The following SLC2A7 variants were observed in gnomAD, a reference collection of about 807,000 sequenced individuals.
The protein encoded by SLC2A7 is solute carrier family 2 member 7, also known as solute carrier family 2, facilitated glucose transporter member 7.
Under a neutral mutation model 50.5 loss-of-function variants are expected in SLC2A7, and 50 were observed. The observed-to-expected ratio is 0.99, with a 90% CI of 0.79 to 1.25. SLC2A7 has a LOEUF of 1.25. SLC2A7 is among the 50% of genes most tolerant of loss of function. The pLI, the probability that SLC2A7 is intolerant of heterozygous loss-of-function variation, is 0.00. For synonymous variants in SLC2A7, 308 were observed against 300.4 expected (o/e 1.03, Z -0.26); for missense variants, 683 against 679.1 (o/e 1.01, Z -0.06).
Position 9,015,184 on chromosome 1 carries a change from C to G in SLC2A7, c.648G>C (p.Leu216=), listed in dbSNP as rs150836755. The G allele has an allele frequency of 1.2e-6, 2 of 1,611,708 alleles. No individual in the cohort carries two copies. The highest frequency in any genetic ancestry group is 2.7e-5 in the African/African-American group (2 of 74,882). The change falls in exon 6 of 12, where the codon CTG becomes CTC. Residue 216 remains leucine (L), a synonymous_variant. Transcript: ENST00000400906. ...AGCGGGGGCTTTCGGGGAAGAAGGG[C>G]AGGGTCAGCAGCTGCAGCAGGGCGG... ...GVPALLQLLT[L]PFFPESPRYS...
At chr1:8,999,173 G>A (rs1376337609), downstream of SLC2A7, among the ~76,000 whole-genome samples, 1 of 151,578 alleles carries the variant, frequency 6.6e-6, no homozygotes, top group African/African-American at 2.4e-5. Flanking sequence ...TTTTTTGCCC[G>A]GCTAATTTTT....
At chr1:9,007,794 A>T (rs968011793) in intron 9 of SLC2A7, among the ~76,000 whole-genome samples, 1 of 149,164 alleles carries the variant, frequency 6.7e-6, no homozygotes, top group African/African-American at 2.5e-5. Flanking sequence ...GCTGAAGTGC[A>T]GTGGCACAGT....
chr1:9,003,209 T>A lies in SLC2A7; in HGVS notation c.*91A>T. On this transcript the variant is annotated 3_prime_UTR_variant, in exon 12 of 12. Transcript: ENST00000400906. ...ATGGGGGCAACGACAAAAGCCTCCG[T>A]GCTATTATCCTCCCCAGAGCCTGGG... is the stretch of plus-strand genomic sequence containing the variant. 8.5e-7 allele frequency: 1 copy of A among 1,171,786 alleles called. No homozygotes were observed. Among genetic ancestry groups the A allele is most frequent in the Non-Finnish European group, 1.2e-6 (1 of 818,134 alleles). 72.6% of individuals were successfully genotyped at this position (1,171,786 alleles called of 1,614,324 possible). A position where few individuals can be genotyped will look rare whatever the true frequency, so the allele number is the denominator to read the frequency against.
the SLC2A7 span, among the ~76,000 whole-genome samples, chr1:8,996,152 C>T: frequency 7.5e-4 from 114 of 152,314 alleles, no homozygotes; most frequent in African/African-American, 2.7e-3. Flanking sequence ...AAATTATCAC[C>T]TCAGCATGAT....
intron 3 of SLC2A7, 44 bp from the exon 4 acceptor site, chr1:9,019,377 G>C (rs762809953): frequency 6.2e-7 from 1 of 1,606,546 alleles, no homozygotes. Context: ...CGTGGAGGCC[G>C]CGGAAGCCCT....
At chr1:9,026,239 G>C (rs945555912) in intron 1 of SLC2A7, 56 bp downstream of exon 1, 2 of 1,567,002 alleles carry the variant, frequency 1.3e-6, no homozygotes, top group Non-Finnish European at 1.7e-6. Context: ...TCCCTCCACA[G>C]GTCTGCACAG....
chr1:9,013,873 G>A (rs560822833), intron 7 of SLC2A7, among the ~76,000 whole-genome samples: 194 of 152,212 alleles, frequency 1.3e-3, no homozygotes, highest in Non-Finnish European at 2.3e-3. Context: ...CAGGTTTGGC[G>A]TCTATAAAAT....
At chr1:8,994,480 G>A in the SLC2A7 span, among the ~76,000 whole-genome samples, 8 of 152,136 alleles carry the variant, frequency 5.3e-5, no homozygotes, top group African/African-American at 1.2e-4. Context: ...AGGCTGCAGC[G>A]CTTAGAACTT....
rs780917418 is a variant in SLC2A7, at chr1:9,024,953, C to CCTTGTGCCCAT, written c.150+22_150+23insATGGGCACAAG. On this transcript the variant is annotated intron_variant, in intron 2 of 11. Coordinates refer to ENST00000400906, the MANE Select transcript of SLC2A7 (RefSeq NM_207420.3). ...CCCCGGTCAGCTGCTGCCCGGCCCACCTTGTGCCCACCTTGTGCCCACCTT... is the reference window on the plus strand; with the variant it reads ...CCCCGGTCAGCTGCTGCCCGGCCCACCTTGTGCCCATCTTGTGCCCACCTTGTGCCCACCTT... The CCTTGTGCCCAT allele has an allele frequency of 2.5e-6, 4 of 1,610,362 alleles. No individual in the cohort carries two copies. The East Asian group carries it at 6.7e-5, about 27-fold the overall frequency.
At chr1:9,017,441 A>G (rs770208756) in intron 5 of SLC2A7, among the ~76,000 whole-genome samples, 2 of 152,112 alleles carry the variant, frequency 1.3e-5, no homozygotes, top group Non-Finnish European at 2.9e-5. Flanking sequence ...CCTGCCCCAC[A>G]CCCAGAAGGA....
chr1:9,004,631 T>G, intron 11 of SLC2A7, 121 bp downstream of exon 11: 1 of 1,272,908 alleles, frequency 7.9e-7, no homozygotes, highest in Non-Finnish European at 1.1e-6. Flanking sequence ...TGTGGACCCT[T>G]GGATGTGTCT....
At chr1:9,025,538 C>A (rs930659844) in intron 1 of SLC2A7, among the ~76,000 whole-genome samples, 3 of 152,002 alleles carry the variant, frequency 2.0e-5, no homozygotes, top group Non-Finnish European at 2.9e-5. Context: ...GTAGGGTGGG[C>A]AGGGCAGGGA....
intron 1 of SLC2A7, among the ~76,000 whole-genome samples, chr1:9,025,846 C>A (rs1055685968): frequency 6.6e-6 from 1 of 152,142 alleles, no homozygotes; most frequent in Non-Finnish European, 1.5e-5. Context: ...CATGCCCCCT[C>A]CCCACTGCCC....
chr1:9,008,603 G>GT lies in SLC2A7; in HGVS notation c.1117-1219dup, dbSNP rs34837941. Among the ~76,000 whole-genome samples the GT allele has an allele frequency of 0.21, 29,939 of 145,842 alleles. 3,290 individuals are homozygous for GT. Among genetic ancestry groups the GT allele is most frequent in the Middle Eastern group, 0.27 (75 of 280 alleles). On this transcript the variant is annotated intron_variant, in intron 9 of 11. Transcript: ENST00000400906. This position sits in a 1 kb window ranked among gnomAD's most constrained non-coding sequence, Gnocchi z 5.9. The stretch of plus-strand genomic sequence containing the variant: ...AAGGTTCTGCTAAGAACTTATATTG[G>GT]TTTTTTTTTTTTTTAGACAGAATCT...
chr1:9,006,592 G>A (rs1640656431), intron 10 of SLC2A7, among the ~76,000 whole-genome samples: 1 of 152,184 alleles, frequency 6.6e-6, no homozygotes, highest in African/African-American at 2.4e-5. Context: ...CAAGTATGTG[G>A]TCTCATTCAT....
In SLC2A7 at chr1:9,019,259, T is replaced by C; in HGVS notation, c.386A>G (p.Lys129Arg). 1.2e-6 allele frequency: 2 copies of C among 1,614,118 alleles called. No homozygotes were observed. Among genetic ancestry groups the C allele is most frequent in the Non-Finnish European group, 1.7e-6 (2 of 1,179,992 alleles). The change falls in exon 4 of 12, where the codon AAG (lysine) becomes AGG (arginine). Residue 129 changes from lysine to arginine, a missense_variant. Coordinates refer to ENST00000400906, the MANE Select transcript of SLC2A7 (RefSeq NM_207420.3). ...AILMGVSKVA[K>R]AFELIVFSRV... ...GGAAAAGACGATCAGCTCAAAAGCC[T>C]TGGCCACTTTGCTGACTCCCATCAG...
At chr1:9,004,923 T>C (rs750664252) in intron 10 of SLC2A7, 44 bp from the exon 11 acceptor site, 42 of 1,595,966 alleles carry the variant, frequency 2.6e-5, no homozygotes, top group East Asian at 4.5e-5. Context: ...AGGACCCAGG[T>C]GTCCCCCAGG....
the SLC2A7 span, among the ~76,000 whole-genome samples, chr1:8,994,383 A>G: frequency 6.6e-6 from 1 of 152,064 alleles, no homozygotes; most frequent in South Asian, 2.1e-4. Flanking sequence ...TTTCCAAACA[A>G]TCTCGTATCT....
intron 1 of SLC2A7, among the ~76,000 whole-genome samples, chr1:9,026,026 G>A (rs560704427): frequency 4.6e-5 from 7 of 152,314 alleles, no homozygotes; most frequent in East Asian, 1.9e-4. Context: ...TAGGGGAAGC[G>A]GAGGGGAGCA....
Sources: allele counts gnomAD v4.1 joint callset (sites outside exome capture counted in the v4.1 genomes callset), GRCh38; gene constraint gnomAD v4.1.1; non-coding constraint Gnocchi (gnomAD v3.1); transcripts MANE v1.5; gene names NCBI Gene and HGNC (gene_info 2026-07-23, HGNC 2026-07-21).